CEP120: variants seen among roughly 807,000 people sequenced by gnomAD.
CEP120 encodes the protein centrosomal protein of 120 kDa.
Under a neutral mutation model 126.5 loss-of-function variants are expected in CEP120, and 113 were observed. The ratio of observed to expected loss-of-function variants is 0.89; its 90% CI spans 0.77 to 1.04. The LOEUF (loss-of-function observed/expected upper bound fraction) is 1.04. Among genes scored for constraint, CEP120 ranks in the 50% least tolerant of loss-of-function variants. The pLI, the probability that CEP120 is intolerant of heterozygous loss-of-function variation, is 0.00. For missense variants in CEP120, 1,230 were observed against 1,155.7 expected (o/e 1.06, Z -0.93); for synonymous variants, 400 against 394.3 (o/e 1.01, Z -0.17).
intron 18 of CEP120, among the ~76,000 whole-genome samples, chr5:123,356,071 A>G (rs1438846744): frequency 6.6e-6 from 1 of 152,126 alleles, no homozygotes. Context: ...CAGGTTTGTC[A>G]AAGATCAGAT....
At chr5:123,362,831 A>G (rs1488128508) in intron 18 of CEP120, among the ~76,000 whole-genome samples, 1 of 151,660 alleles carries the variant, frequency 6.6e-6, no homozygotes, top group African/African-American at 2.4e-5. Context: ...TCTCCCAACA[A>G]CAGATCCATA....
rs766009969 is a variant in CEP120 at position 123,382,213 on chromosome 5, G to GA, written c.2014-14dup. The stretch of plus-strand genomic sequence containing the variant: ...CTTTCTGCTTCAGCTACAAAAGGAA[G>GA]AAAAATAAAGTCGCCAAAAAACCCC... On this transcript the variant is annotated splice_polypyrimidine_tract_variant and intron_variant, in intron 13 of 19. Coordinates refer to ENST00000306467, the MANE Select transcript of CEP120 (RefSeq NM_001375405.1). The GA allele has an allele frequency of 9.0e-6, 14 of 1,559,126 alleles. No homozygotes were observed. The Middle Eastern group carries it at 5.2e-4, about 57-fold the overall frequency.
intron 16 of CEP120, 58 bp downstream of exon 16, chr5:123,377,316 C>G: frequency 6.6e-7 from 1 of 1,517,294 alleles, no homozygotes; most frequent in Non-Finnish European, 9.0e-7. Context: ...AACTATTTCT[C>G]TTATTACTAG....
intron 11 of CEP120, among the ~76,000 whole-genome samples, chr5:123,383,852 G>C (rs1243768147): frequency 6.6e-6 from 1 of 152,028 alleles, no homozygotes; most frequent in African/African-American, 2.4e-5. Flanking sequence ...ACAAAACCAT[G>C]GTTTTGTCTA....
intron 10 of CEP120, among the ~76,000 whole-genome samples, chr5:123,385,577 C>G (rs1771963140): frequency 6.6e-6 from 1 of 151,198 alleles, no homozygotes; most frequent in South Asian, 2.1e-4. Flanking sequence ...TAATAATGCA[C>G]TTCTCATAAT....
At position 123,352,735 on chromosome 5, in the gene CEP120, G is replaced by A. The variant is rs370066253; in HGVS notation, c.2581-2646C>T. 2.6e-4 allele frequency among the ~76,000 whole-genome samples: 40 copies of A among 152,044 alleles called. No individual in the cohort carries two copies. The East Asian group carries it at 7.2e-3, about 27-fold the overall frequency. On this transcript the variant is annotated intron_variant, in intron 18 of 19. Coordinates refer to ENST00000306467, the MANE Select transcript of CEP120 (RefSeq NM_001375405.1). ...AAAAAACCTGCTGAGATTTTATGAT[G>A]ATTATATTGAATCCACAGATCAATT...
intron 4 of CEP120, among the ~76,000 whole-genome samples, chr5:123,405,843 G>A (rs1386541244): frequency 4.0e-5 from 6 of 151,198 alleles, no homozygotes; most frequent in Non-Finnish European, 7.4e-5. Context: ...AGTTTGAAGA[G>A]ACTAAACAAG....
intron 6 of CEP120, 36 bp downstream of exon 6, chr5:123,393,264 C>T (rs759751807): frequency 1.3e-6 from 2 of 1,592,512 alleles, no homozygotes; most frequent in East Asian, 2.2e-5. Flanking sequence ...CTTAAAAGAC[C>T]ACCTCCAGCT....
intron 5 of CEP120, among the ~76,000 whole-genome samples, chr5:123,395,594 C>T (rs1456705240): frequency 1.3e-5 from 2 of 151,870 alleles, no homozygotes; most frequent in South Asian, 2.1e-4. Context: ...TGGAACCACA[C>T]AATATGTGGC....
At chr5:123,369,384 G>A (rs1217380921) in intron 17 of CEP120, among the ~76,000 whole-genome samples, 1 of 152,030 alleles carries the variant, frequency 6.6e-6, no homozygotes, top group Non-Finnish European at 1.5e-5. Context: ...AAGTGGCAGA[G>A]CTAGGATTTG....
intron 17 of CEP120, 83 bp downstream of exon 17, chr5:123,372,567 T>C: frequency 7.5e-7 from 1 of 1,338,688 alleles, no homozygotes; most frequent in Non-Finnish European, 1.1e-6. Context: ...AGCAAAACAT[T>C]ATTATATTGT....
At chr5:123,350,575 C>A (rs535685349) in intron 18 of CEP120, among the ~76,000 whole-genome samples, 24 of 152,304 alleles carry the variant, frequency 1.6e-4, no homozygotes, top group African/African-American at 5.8e-4. Flanking sequence ...ATACAATGAA[C>A]AGCCAAAAGG....
chr5:123,365,000 C>T (rs1203035798), intron 17 of CEP120, among the ~76,000 whole-genome samples: 1 of 151,498 alleles, frequency 6.6e-6, no homozygotes, highest in African/African-American at 2.4e-5. Flanking sequence ...GGAGGCCTAT[C>T]TTCATATGGA....
chr5:123,369,333 T>G (rs1158658840), intron 17 of CEP120, among the ~76,000 whole-genome samples: 1 of 151,974 alleles, frequency 6.6e-6, no homozygotes, highest in East Asian at 1.9e-4. Flanking sequence ...CCTTACTACC[T>G]CCATTTAAAA....
In CEP120 at chr5:123,416,056, A is replaced by C. The variant is rs1280785580; in HGVS notation, c.275T>G (p.Ile92Arg). ...TCTTAAATCCAGAACGATGTAACCT[A>C]TGGTTTCCTTGGCTGAAGTTACAGG... is the stretch of plus-strand genomic sequence containing the variant. ...LDPVTSAKET[I>R]GYIVLDLRTA... The change falls in exon 3 of 20, where the codon ATA becomes AGA. Residue 92 changes from isoleucine to arginine, a missense_variant. Transcript: ENST00000306467. 8 of 1,614,098 alleles carry C rather than the reference A, an allele frequency of 5.0e-6. No homozygotes were observed. The highest frequency in any genetic ancestry group is 6.8e-6 in the Non-Finnish European group (8 of 1,179,978).
At chr5:123,354,741 A>ATATTT (rs1420973140) in intron 18 of CEP120, among the ~76,000 whole-genome samples, 2 of 150,876 alleles carry the variant, frequency 1.3e-5, no homozygotes. Context: ...ATTGTAGTAT[A>ATATTT]TATTTTCCTT....
At chr5:123,368,866 G>A (rs929602110) in intron 17 of CEP120, among the ~76,000 whole-genome samples, 1 of 151,884 alleles carries the variant, frequency 6.6e-6, no homozygotes, top group Admixed American at 6.6e-5. Flanking sequence ...CTATTATCCA[G>A]ACACTAAAGA....
At chr5:123,412,895 C>T (rs1580738962) in intron 3 of CEP120, among the ~76,000 whole-genome samples, 1 of 152,166 alleles carries the variant, frequency 6.6e-6, no homozygotes, top group African/African-American at 2.4e-5. Flanking sequence ...TTCTAATTCC[C>T]TAACCTCTAT....
intron 17 of CEP120, among the ~76,000 whole-genome samples, chr5:123,371,328 G>C (rs556671002): frequency 3.4e-4 from 51 of 152,184 alleles, no homozygotes; most frequent in Non-Finnish European, 2.9e-4. Flanking sequence ...GCAAGGAGGA[G>C]CAAGTCACAT....
Sources: gnomAD v4.1 joint callset for allele counts (sites outside exome capture counted in the v4.1 genomes callset) on GRCh38, gnomAD v4.1.1 for gene constraint, MANE v1.5 for transcripts, NCBI Gene and HGNC (gene_info 2026-07-23, HGNC 2026-07-21) for gene names.